HERPUD2: variants seen among roughly 807,000 people sequenced by gnomAD.
HERPUD2 encodes the protein HERPUD family member 2.
In HERPUD2, 13 loss-of-function variants were observed where a neutral mutation model predicts 49.9. The ratio of observed to expected loss-of-function variants is 0.26; its 90% CI spans 0.17 to 0.41. HERPUD2 has a LOEUF of 0.41. Ranked by LOEUF, HERPUD2 falls within the 10% of genes least tolerant of loss-of-function variation. HERPUD2 has a pLI of 1.00. For synonymous variants in HERPUD2, 172 were observed against 171.4 expected (o/e 1.00, Z -0.03); for missense variants, 449 against 492.2 (o/e 0.91, Z 0.83).
At chr7:35,672,188 G>A (rs1420310077) in intron 3 of HERPUD2, among the ~76,000 whole-genome samples, 1 of 151,674 alleles carries the variant, frequency 6.6e-6, no homozygotes, top group African/African-American at 2.4e-5. Context: ...GTGCCTATGT[G>A]GGGTCAGAGA....
At chr7:35,667,712 T>G in intron 4 of HERPUD2, 124 bp from the exon 5 acceptor site, 2 of 708,542 alleles carry the variant, frequency 2.8e-6, no homozygotes, top group Non-Finnish European at 4.6e-6. Flanking sequence ...AAATTTACTG[T>G]TTTACATCGT....
At position 35,673,195 on chromosome 7, in the gene HERPUD2, G is replaced by T; in HGVS notation, c.225+6C>A. 6.2e-7 allele frequency: 1 copy of T among 1,607,314 alleles called. No homozygotes were observed. The highest frequency in any genetic ancestry group is 8.5e-7 in the Non-Finnish European group (1 of 1,175,356). ...TCTGGTATCAAATAGTGGTAGAAAA[G>T]CTTACTTTTCTGAGAATGTCTTTCA... On this transcript the variant is annotated splice_donor_region_variant and intron_variant, in intron 3 of 8. Transcript: ENST00000311350.
intron 5 of HERPUD2, among the ~76,000 whole-genome samples, chr7:35,639,913 A>T (rs1380070289): frequency 6.6e-6 from 1 of 151,960 alleles, no homozygotes; most frequent in Non-Finnish European, 1.5e-5. Context: ...TCCTCAAAAG[A>T]CCCTTCAATC....
intron 2 of HERPUD2, among the ~76,000 whole-genome samples, chr7:35,691,015 A>C (rs1429318664): frequency 1.3e-5 from 2 of 152,172 alleles, no homozygotes; most frequent in Admixed American, 6.5e-5. Flanking sequence ...CTCCTGTATA[A>C]TACTAGTCAC....
At chr7:35,664,885 C>T (rs139723726) in intron 5 of HERPUD2, among the ~76,000 whole-genome samples, 383 of 152,258 alleles carry the variant, frequency 2.5e-3, no homozygotes, top group African/African-American at 8.6e-3. Flanking sequence ...TGTCTGAAGC[C>T]GCCTTCTCTC....
At chr7:35,674,023 T>C (rs949945317) in intron 2 of HERPUD2, among the ~76,000 whole-genome samples, 3 of 152,254 alleles carry the variant, frequency 2.0e-5, no homozygotes, top group East Asian at 1.9e-4. Flanking sequence ...AACAGGTGAA[T>C]GTTCTTTGAA....
At chr7:35,691,204 T>C (rs1786176774) in intron 2 of HERPUD2, among the ~76,000 whole-genome samples, 1 of 152,180 alleles carries the variant, frequency 6.6e-6, no homozygotes, top group African/African-American at 2.4e-5. Flanking sequence ...GTACATTTGT[T>C]CTAAGTTTGC....
chr7:35,682,299 G>A (rs9691928), intron 2 of HERPUD2, among the ~76,000 whole-genome samples: 4 of 45,104 alleles, frequency 8.9e-5, no homozygotes, highest in South Asian at 5.9e-4. Context: ...GTGTGTGTGT[G>A]TATATATAGA....
At chr7:35,638,868 A>G (rs1382933473) in intron 5 of HERPUD2, among the ~76,000 whole-genome samples, 1 of 152,204 alleles carries the variant, frequency 6.6e-6, no homozygotes, top group Non-Finnish European at 1.5e-5. Flanking sequence ...GGTGAAATAG[A>G]CAAATGATAT....
chr7:35,638,583 C>A, intron 5 of HERPUD2, 111 bp from the exon 6 acceptor site: 1 of 1,070,146 alleles, frequency 9.3e-7, no homozygotes, highest in Non-Finnish European at 1.3e-6. Flanking sequence ...ATTTAAATCT[C>A]ACTGAAAAGA....
chr7:35,640,992 G>A (rs1165203328), intron 5 of HERPUD2, among the ~76,000 whole-genome samples: 1 of 151,972 alleles, frequency 6.6e-6, no homozygotes, highest in East Asian at 1.9e-4. Flanking sequence ...TTTGGAGGAA[G>A]GACTTTCCTA....
At position 35,633,551 on chromosome 7, in the gene HERPUD2, T is replaced by A. The variant is rs756873596; in HGVS notation, c.*139A>T. The A allele has an allele frequency of 7.0e-6, 4 of 572,822 alleles. No individual in the cohort carries two copies. In the South Asian group the frequency reaches 1.3e-4, roughly 19 times the overall value. 35.5% of individuals were successfully genotyped at this position (572,822 alleles called of 1,614,324 possible). A position where few individuals can be genotyped will look rare whatever the true frequency, so the allele number is the denominator to read the frequency against. ...TCCATTCGTGCTTAAAATATTCATA[T>A]GCATGAGAAGCCTAAAGAAAAAAAA... On this transcript the variant is annotated 3_prime_UTR_variant, in exon 9 of 9. Coordinates refer to ENST00000311350, the MANE Select transcript of HERPUD2 (RefSeq NM_022373.5).
chr7:35,667,717 C>T (rs1785566730), intron 4 of HERPUD2, 129 bp from the exon 5 acceptor site: 3 of 686,470 alleles, frequency 4.4e-6, no homozygotes, highest in Non-Finnish European at 2.4e-6. Context: ...TACTGTTTTA[C>T]ATCGTGTGTC....
At chr7:35,633,959 T>C in intron 8 of HERPUD2, 108 bp from the exon 9 acceptor site, 1 of 1,155,448 alleles carries the variant, frequency 8.7e-7, no homozygotes. Context: ...AAGTGGTATG[T>C]ATGTGGTCAT....
chr7:35,674,465 G>C (rs1382035456), intron 2 of HERPUD2, among the ~76,000 whole-genome samples: 2 of 91,532 alleles, frequency 2.2e-5, no homozygotes, highest in Non-Finnish European at 4.4e-5. Context: ...AGAGAGAGAG[G>C]AGCACTGTGG....
chr7:35,654,918 A>C (rs1290726250), intron 5 of HERPUD2, among the ~76,000 whole-genome samples: 1 of 152,158 alleles, frequency 6.6e-6, no homozygotes, highest in African/African-American at 2.4e-5. Context: ...GCAGTGGCGC[A>C]ATCTCAGCTC....
intron 5 of HERPUD2, among the ~76,000 whole-genome samples, chr7:35,661,549 C>T (rs1419405750): frequency 3.3e-5 from 5 of 152,112 alleles, no homozygotes; most frequent in Non-Finnish European, 7.4e-5. Flanking sequence ...TTTTATTTCG[C>T]TGAGCAGTGG....
intron 2 of HERPUD2, among the ~76,000 whole-genome samples, chr7:35,682,923 A>T (rs1375022514): frequency 2.0e-5 from 3 of 152,082 alleles, no homozygotes; most frequent in African/African-American, 7.2e-5. Flanking sequence ...AATCATAGAC[A>T]ACACAAACAA....
At chr7:35,647,560 G>A (rs1785078707) in intron 5 of HERPUD2, among the ~76,000 whole-genome samples, 1 of 151,428 alleles carries the variant, frequency 6.6e-6, no homozygotes, top group South Asian at 2.1e-4. Flanking sequence ...AAATCTGACG[G>A]GTAGATCTGA....
Sources: gnomAD v4.1 joint callset for allele counts (sites outside exome capture counted in the v4.1 genomes callset) on GRCh38, gnomAD v4.1.1 for gene constraint, MANE v1.5 for transcripts, NCBI Gene and HGNC (gene_info 2026-07-23, HGNC 2026-07-21) for gene names.